FSTL5: variants seen among roughly 807,000 people sequenced by gnomAD.
FSTL5 encodes the protein follistatin-related protein 5.
Under a neutral mutation model 89.1 loss-of-function variants are expected in FSTL5, and 62 were observed. That is an observed-to-expected ratio of 0.70 (90% CI 0.57 to 0.86). The LOEUF (loss-of-function observed/expected upper bound fraction) is 0.86, where lower values mean the gene tolerates loss of function less well. FSTL5 is among the 40% of genes least tolerant of loss of function. FSTL5 has a pLI of 0.00. For synonymous variants in FSTL5, 383 were observed against 346.2 expected, an observed-to-expected ratio of 1.11 and a Z score of -1.18; for missense variants, 1,057 against 1,001.6, an observed-to-expected ratio of 1.06 and a Z score of -0.75.
chr4:161,543,805 A>C (rs965148333), intron 8 of FSTL5, among the ~76,000 whole-genome samples: 2 of 152,232 alleles, frequency 1.3e-5, no homozygotes, highest in Non-Finnish European at 2.9e-5. Flanking sequence ...ATAAACTATC[A>C]GAAGAAAACA....
chr4:161,658,624 T>C (rs1346739631), intron 6 of FSTL5, among the ~76,000 whole-genome samples: 2 of 152,168 alleles, frequency 1.3e-5, no homozygotes, highest in East Asian at 3.8e-4. Flanking sequence ...CAGAGACATG[T>C]ATATACATAA....
At chr4:161,899,856 C>T (rs1733294821) in intron 4 of FSTL5, among the ~76,000 whole-genome samples, 1 of 152,180 alleles carries the variant, frequency 6.6e-6, no homozygotes, top group African/African-American at 2.4e-5. Context: ...CTCTGAAGTT[C>T]TGAGCCCATT....
intron 15 of FSTL5, among the ~76,000 whole-genome samples, chr4:161,445,854 A>G (rs1732926230): frequency 1.3e-5 from 2 of 151,956 alleles, no homozygotes; most frequent in Non-Finnish European, 2.9e-5. Context: ...TTACTGCATT[A>G]TTTCTTGTTC....
intron 15 of FSTL5, among the ~76,000 whole-genome samples, chr4:161,395,470 T>C (rs2110888318): frequency 6.6e-6 from 1 of 152,236 alleles, no homozygotes; most frequent in African/African-American, 2.4e-5. Context: ...AATAGAAATC[T>C]ATCATATTCC....
intron 3 of FSTL5, among the ~76,000 whole-genome samples, chr4:162,010,356 T>C (rs938876731): frequency 3.3e-5 from 5 of 152,142 alleles, no homozygotes; most frequent in Non-Finnish European, 7.4e-5. Context: ...TACATTTGAT[T>C]CTTAAAGATC....
chr4:161,496,791 T>TAGAGATAGAGAG (rs1730093751), intron 12 of FSTL5, among the ~76,000 whole-genome samples: 2 of 139,040 alleles, frequency 1.4e-5, no homozygotes, highest in Non-Finnish European at 3.0e-5. Flanking sequence ...GAGAAAAAGA[T>TAGAGATAGAGAG]AGAGATAGAG....
At chr4:162,033,531 C>T (rs571353074) in intron 3 of FSTL5, 94 bp downstream of exon 3, 2 of 660,076 alleles carry the variant, frequency 3.0e-6, no homozygotes, top group Non-Finnish European at 5.0e-6. Context: ...ATTATTTTCT[C>T]ATTTTTGACT....
At position 161,500,062 on chromosome 4, in the gene FSTL5, T is replaced by G. The variant is rs756353897; in HGVS notation, c.1412A>C (p.Glu471Ala). The G allele has an allele frequency of 6.2e-7, 1 of 1,610,836 alleles. No individual in the cohort carries two copies. Among genetic ancestry groups the G allele is most frequent in the South Asian group, 1.1e-5 (1 of 90,708 alleles). ...ACTAGGCTTAATGTGCCTCTGAAATTCACATTCTATGGGTTGTATCACTTT... is the reference window on the plus strand; with the variant it reads ...ACTAGGCTTAATGTGCCTCTGAAATGCACATTCTATGGGTTGTATCACTTT... ...GIKVIQPIECEFQRHIKPSEK... is the reference protein window; with the variant it reads ...GIKVIQPIECAFQRHIKPSEK... The change falls in exon 12 of 16, where the codon GAA (glutamate) becomes GCA (alanine). Residue 471 changes from glutamate to alanine, a missense_variant. By Grantham distance (107) the Glu-to-Ala change is moderately radical. Around this residue, in one of 3 missense-constraint regions of FSTL5, gnomAD observed 980 missense variants for 903.2 expected, o/e 1.08. Transcript: ENST00000306100.
chr4:161,734,036 C>T (rs761794169), intron 6 of FSTL5, among the ~76,000 whole-genome samples: 5 of 151,864 alleles, frequency 3.3e-5, no homozygotes, highest in Admixed American at 6.6e-5. Context: ...TTTTGAATTA[C>T]GTATTTAATC....
intron 2 of FSTL5, among the ~76,000 whole-genome samples, chr4:162,075,978 G>T (rs1301656507): frequency 1.3e-5 from 2 of 151,784 alleles, no homozygotes; most frequent in Non-Finnish European, 2.9e-5. Context: ...ATATAAAAGT[G>T]ATTTCCTCAG....
intron 15 of FSTL5, among the ~76,000 whole-genome samples, chr4:161,424,963 T>C (rs1732122054): frequency 6.6e-6 from 1 of 152,250 alleles, no homozygotes; most frequent in East Asian, 1.9e-4. Flanking sequence ...TGTTCTGTTT[T>C]CTTGTTCCCA....
chr4:161,976,699 T>A (rs9990892), intron 3 of FSTL5, among the ~76,000 whole-genome samples: 5 of 152,100 alleles, frequency 3.3e-5, no homozygotes, highest in African/African-American at 1.2e-4. Flanking sequence ...GCCAGGATGG[T>A]CCTGATCTCC....
chr4:161,480,867 G>A (rs1203758995), intron 13 of FSTL5, among the ~76,000 whole-genome samples, 153 bp downstream of exon 13: 3 of 152,178 alleles, frequency 2.0e-5, no homozygotes, highest in African/African-American at 7.2e-5. Flanking sequence ...GGAACAGAAT[G>A]AGAGAAGAGT....
At chr4:161,619,954 G>C (rs896831593) in intron 7 of FSTL5, among the ~76,000 whole-genome samples, 20 of 152,064 alleles carry the variant, frequency 1.3e-4, no homozygotes, top group Middle Eastern at 3.4e-3. Context: ...GTCCAACAAC[G>C]ATAGACTGGA....
At chr4:161,873,360 C>A (rs1417394139) in intron 4 of FSTL5, among the ~76,000 whole-genome samples, 1 of 151,954 alleles carries the variant, frequency 6.6e-6, no homozygotes, top group Non-Finnish European at 1.5e-5. Flanking sequence ...TATCAGTACG[C>A]CCTTTAGGGT....
At chr4:161,896,326 T>C (rs1415767714) in intron 4 of FSTL5, among the ~76,000 whole-genome samples, 1 of 152,212 alleles carries the variant, frequency 6.6e-6, no homozygotes, top group African/African-American at 2.4e-5. Context: ...TCTTATGCTT[T>C]GAACTAATAG....
At chr4:161,813,999 A>C (rs1730247601) in intron 4 of FSTL5, among the ~76,000 whole-genome samples, 1 of 152,134 alleles carries the variant, frequency 6.6e-6, no homozygotes, top group Admixed American at 6.5e-5. Flanking sequence ...TCAAAGATGA[A>C]AAAAATCAGT....
intron 6 of FSTL5, among the ~76,000 whole-genome samples, chr4:161,667,078 G>A (rs1301380397): frequency 6.6e-6 from 1 of 151,888 alleles, no homozygotes; most frequent in Non-Finnish European, 1.5e-5. Flanking sequence ...ATTAATTCAA[G>A]CAGTTTTACA....
chr4:161,865,753 T>C (rs1368511289), intron 4 of FSTL5, among the ~76,000 whole-genome samples: 1 of 152,120 alleles, frequency 6.6e-6, no homozygotes, highest in African/African-American at 2.4e-5. Flanking sequence ...CTTAGATTGC[T>C]ATATTATATT....
Sources: gnomAD v4.1 joint callset for allele counts (sites outside exome capture counted in the v4.1 genomes callset) on GRCh38, gnomAD v4.1.1 for gene constraint, gnomAD v4.1.1 regional missense constraint, MANE v1.5 for transcripts, NCBI Gene and HGNC (gene_info 2026-07-23, HGNC 2026-07-21) for gene names.